The following DENND4C variants were observed in gnomAD, a reference collection of about 807,000 sequenced individuals.
The protein encoded by DENND4C is DENN domain-containing protein 4C.
A neutral mutation model predicts 203.0 loss-of-function variants in DENND4C; 108 were observed. The ratio of observed to expected loss-of-function variants is 0.53; its 90% CI spans 0.46 to 0.62. The LOEUF (loss-of-function observed/expected upper bound fraction) is 0.62. Among genes scored for constraint, DENND4C ranks in the 20% least tolerant of loss-of-function variants. The pLI is 0.00. For missense variants in DENND4C, 2,481 were observed against 2,301.2 expected (o/e 1.08, Z -1.60); for synonymous variants, 871 against 792.4 (o/e 1.10, Z -1.67).
At chr9:19,254,460 A>G (rs920783075) in intron 1 of DENND4C, among the ~76,000 whole-genome samples, 6 of 152,210 alleles carry the variant, frequency 3.9e-5, no homozygotes, top group Non-Finnish European at 4.4e-5. Flanking sequence ...ACTGGGAGAT[A>G]TTATGCTAAG....
chr9:19,326,768 TATGTATTGC>T (rs1174427617), intron 15 of DENND4C, among the ~76,000 whole-genome samples: 1 of 152,166 alleles, frequency 6.6e-6, no homozygotes, highest in African/African-American at 2.4e-5. Flanking sequence ...TGTGTGTGTG[TATGTATTGC>T]ATGTATGAGT....
Position 19,290,896 on chromosome 9 carries a change from A to C in DENND4C, c.801+20A>C. On this transcript the variant is annotated intron_variant, in intron 5 of 32. Coordinates refer to ENST00000434457, the MANE Select transcript of DENND4C (RefSeq NM_001330640.2). Reference sequence around the variant, plus strand: ...AAAAAGGTATGTTTTTGTCTCATTGATTAAACACATTTTGTCCATGTTTTT... The same window carrying C: ...AAAAAGGTATGTTTTTGTCTCATTGCTTAAACACATTTTGTCCATGTTTTT... 6.3e-7 allele frequency: 1 copy of C among 1,599,180 alleles called. No homozygotes were observed. Among genetic ancestry groups the C allele is most frequent in the Non-Finnish European group, 8.5e-7 (1 of 1,171,258 alleles).
chr9:19,308,514 T>C (rs1840126373), intron 10 of DENND4C, among the ~76,000 whole-genome samples: 1 of 152,212 alleles, frequency 6.6e-6, no homozygotes, highest in Admixed American at 6.5e-5. Context: ...GTTAGATTGT[T>C]TGTCTTTTTC....
intron 1 of DENND4C, among the ~76,000 whole-genome samples, chr9:19,275,100 C>G (rs1340790589): frequency 1.3e-5 from 2 of 151,928 alleles, no homozygotes; most frequent in African/African-American, 4.8e-5. Context: ...GCCTCAGCCT[C>G]CCGAGTAGCT....
At chr9:19,237,222 A>G (rs539442269) in intron 1 of DENND4C, among the ~76,000 whole-genome samples, 9 of 150,788 alleles carry the variant, frequency 6.0e-5, no homozygotes, top group African/African-American at 2.0e-4. Flanking sequence ...GGGTTTCACC[A>G]TGGCCAGGCT....
intron 30 of DENND4C, among the ~76,000 whole-genome samples, chr9:19,365,693 A>G (rs1044883050): frequency 2.0e-5 from 3 of 151,050 alleles, no homozygotes; most frequent in African/African-American, 7.3e-5. Flanking sequence ...ATATTATTAT[A>G]CACACACACC....
At chr9:19,269,653 C>G (rs1178369819) in intron 1 of DENND4C, among the ~76,000 whole-genome samples, 1 of 152,166 alleles carries the variant, frequency 6.6e-6, no homozygotes, top group Non-Finnish European at 1.5e-5. Flanking sequence ...TGAATTCCTT[C>G]TCTGTATTAT....
intron 1 of DENND4C, among the ~76,000 whole-genome samples, chr9:19,238,421 A>C (rs1450182714): frequency 6.8e-6 from 1 of 148,062 alleles, no homozygotes; most frequent in African/African-American, 2.5e-5. Flanking sequence ...CCTTAGAGAT[A>C]TAGGAACTAG....
rs371345593 is a variant in DENND4C at position 19,360,233 on chromosome 9, T to A, written c.5161-11T>A. ...CAGATAATATTAATTTCTTTTTGTATTTTTTTTAAGGATCCTTTAGGAAAA... is the reference window on the plus strand; with the variant it reads ...CAGATAATATTAATTTCTTTTTGTAATTTTTTTAAGGATCCTTTAGGAAAA... On this transcript the variant is annotated splice_polypyrimidine_tract_variant and intron_variant, in intron 28 of 32. Coordinates refer to ENST00000434457, the MANE Select transcript of DENND4C (RefSeq NM_001330640.2). 6.2e-7 allele frequency: 1 copy of A among 1,602,894 alleles called. No homozygotes were observed. Among genetic ancestry groups the A allele is most frequent in the Admixed American group, 1.7e-5 (1 of 58,218 alleles).
chr9:19,324,374 G>A lies in DENND4C; in HGVS notation c.1820G>A (p.Ser607Asn), dbSNP rs765972177. Reference sequence around the variant, plus strand: ...TTGTTTTCCTCAGGATTTTTAAAAAGTCGAGATCGTGCCTATGCAAAATTC... The same window carrying A: ...TTGTTTTCCTCAGGATTTTTAAAAAATCGAGATCGTGCCTATGCAAAATTC... ...SLFDRQGFLK[S>N]RDRAYAKFYT... Residue 607 changes from serine to asparagine, a missense_variant, in exon 13 of 33, where the codon AGT becomes AAT. Around this residue, in one of 3 missense-constraint regions of DENND4C, gnomAD observed 2,289 missense variants for 2,113.3 expected, o/e 1.08. Transcript: ENST00000434457. 6.3e-7 allele frequency: 1 copy of A among 1,590,388 alleles called. No individual in the cohort carries two copies. Among genetic ancestry groups the A allele is most frequent in the South Asian group, 1.2e-5 (1 of 86,528 alleles).
At chr9:19,365,468 A>G (rs1356935465) in intron 30 of DENND4C, among the ~76,000 whole-genome samples, 1 of 152,216 alleles carries the variant, frequency 6.6e-6, no homozygotes, top group Non-Finnish European at 1.5e-5. Context: ...CTCACTAAGT[A>G]CAAGTGTAAG....
intron 5 of DENND4C, among the ~76,000 whole-genome samples, chr9:19,291,703 TAAAA>T (rs61007729): frequency 7.4e-5 from 10 of 135,512 alleles, no homozygotes; most frequent in Admixed American, 1.5e-4. Flanking sequence ...ATACTCTTTC[TAAAA>T]AAAAAAAAAA....
At chr9:19,371,715 G>A in intron 31 of DENND4C, 41 bp from the exon 32 acceptor site, 1 of 1,023,000 alleles carries the variant, frequency 9.8e-7, no homozygotes, top group Non-Finnish European at 1.5e-6. Context: ...GTGTTTTTAT[G>A]CTATTTGCCC....
intron 26 of DENND4C, among the ~76,000 whole-genome samples, chr9:19,354,585 A>T (rs1824946438): frequency 8.8e-6 from 1 of 113,294 alleles, no homozygotes; most frequent in African/African-American, 3.6e-5. Flanking sequence ...ACAGAGTTTC[A>T]CTCTTGTCGC....
At chr9:19,278,870 G>GC (rs548821155) in intron 2 of DENND4C, among the ~76,000 whole-genome samples, 12 of 151,896 alleles carry the variant, frequency 7.9e-5, no homozygotes, top group East Asian at 5.8e-4. Context: ...CCTCCACTCT[G>GC]CCCCCCCAGA....
Position 19,346,190 on chromosome 9 carries a change from C to T in DENND4C, c.3421C>T (p.Leu1141Phe), listed in dbSNP as rs748565012. Residue 1141 changes from leucine (L) to phenylalanine (F), a missense_variant, in exon 23 of 33, where the codon CTT becomes TTT. By Grantham distance (22) the Leu-to-Phe change is conservative. Around this residue, in one of 3 missense-constraint regions of DENND4C, gnomAD observed 2,289 missense variants for 2,113.3 expected, o/e 1.08. Coordinates refer to ENST00000434457, the MANE Select transcript of DENND4C (RefSeq NM_001330640.2). The part of the protein sequence containing the change: ...AALTCPKTSL[L>F]HIARTHSFEN... ...ATTGACATGTCCTAAGACTTCTCTA[C>T]TTCATATTGCAAGAACCCATAGCTT... 5.6e-6 allele frequency: 9 copies of T among 1,614,186 alleles called. No homozygotes were observed. The East Asian group carries it at 2.0e-4, about 36-fold the overall frequency.
intron 1 of DENND4C, among the ~76,000 whole-genome samples, chr9:19,252,953 T>A (rs1827020079): frequency 6.6e-6 from 1 of 152,158 alleles, no homozygotes; most frequent in South Asian, 2.1e-4. Context: ...GCCAGGCTGG[T>A]CTCAAAACTC....
intron 16 of DENND4C, 71 bp downstream of exon 16, chr9:19,328,233 G>A (rs1588928787): frequency 7.3e-7 from 1 of 1,369,066 alleles, no homozygotes; most frequent in Admixed American, 2.4e-5. Context: ...GCAGCTCATA[G>A]TTTAGAATGA....
chr9:19,244,476 C>T (rs1461704403), intron 1 of DENND4C, among the ~76,000 whole-genome samples: 1 of 152,044 alleles, frequency 6.6e-6, no homozygotes, highest in Non-Finnish European at 1.5e-5. Flanking sequence ...CGTGGTGGCT[C>T]ACACCTGTAA....
Sources: allele counts gnomAD v4.1 joint callset (sites outside exome capture counted in the v4.1 genomes callset), GRCh38; gene constraint gnomAD v4.1.1; regional missense constraint gnomAD v4.1.1; transcripts MANE v1.5; gene names NCBI Gene and HGNC (gene_info 2026-07-23, HGNC 2026-07-21).